The following DSCAML1 variants were observed in gnomAD, a reference collection of about 807,000 sequenced individuals.
The protein encoded by DSCAML1 is DS cell adhesion molecule like 1, also known as cell adhesion molecule DSCAML1.
Under a neutral mutation model 200.5 loss-of-function variants are expected in DSCAML1, and 38 were observed. The observed-to-expected ratio is 0.19, with a 90% confidence interval of 0.15 to 0.25. The LOEUF (loss-of-function observed/expected upper bound fraction) is 0.25, where lower values mean the gene tolerates loss of function less well. DSCAML1 is among the 10% of genes least tolerant of loss of function. The pLI is 1.00. For synonymous variants in DSCAML1, 1,215 were observed against 1,165.0 expected (o/e 1.04, Z -0.87); for missense variants, 2,223 against 2,858.8 (o/e 0.78, Z 5.07).
chr11:117,752,140 A>G (rs1336883731), intron 3 of DSCAML1, among the ~76,000 whole-genome samples: 1 of 152,158 alleles, frequency 6.6e-6, no homozygotes, highest in African/African-American at 2.4e-5. Context: ...AAAAGTCCCA[A>G]TTCCCAGGTA....
chr11:117,797,787 C>G (rs1453597808), upstream of DSCAML1, among the ~76,000 whole-genome samples: 1 of 152,214 alleles, frequency 6.6e-6, no homozygotes, highest in African/African-American at 2.4e-5. Context: ...TTCCTCAGCA[C>G]TTGGCACATT....
At chr11:117,649,579 C>A (rs1001539850) in intron 3 of DSCAML1, among the ~76,000 whole-genome samples, 53 of 152,262 alleles carry the variant, frequency 3.5e-4, no homozygotes, top group African/African-American at 1.2e-3. Context: ...TCCTTCTGGG[C>A]CCCACTGTGA....
At chr11:117,787,419 GATA>G (rs148494786) in intron 1 of DSCAML1, among the ~76,000 whole-genome samples, 12,724 of 152,200 alleles carry the variant, frequency 0.084, 604 homozygotes, top group Middle Eastern at 0.14. Flanking sequence ...CACCTCTGAT[GATA>G]ATAATAATAA....
chr11:117,437,513 G>A lies in DSCAML1; in HGVS notation c.4433-104C>T. ...TTTCCCTGGGGCAGCTGGGATGGCA[G>A]TGGCTCCAGGAGAATACATGTTTGG... On this transcript the variant is annotated intron_variant, in intron 25 of 32. Transcript: ENST00000651296. This position sits in a 1 kb window ranked among gnomAD's most constrained non-coding sequence, Gnocchi z 5.3. The A allele has an allele frequency of 7.3e-7, 1 of 1,362,456 alleles. No individual in the cohort carries two copies. The highest frequency in any genetic ancestry group is 1.0e-6 in the Non-Finnish European group (1 of 988,526). The allele number at this position is 1,362,456 out of a possible 1,614,324, so 84.4% of individuals were successfully genotyped here.
intron 3 of DSCAML1, among the ~76,000 whole-genome samples, chr11:117,750,275 G>A (rs576164440): frequency 3.9e-5 from 6 of 152,328 alleles, no homozygotes; most frequent in Admixed American, 3.3e-4. Flanking sequence ...ACTCCTGACC[G>A]AGCGGGGATA....
At chr11:117,585,662 A>G (rs1245668471) in intron 3 of DSCAML1, among the ~76,000 whole-genome samples, 1 of 152,140 alleles carries the variant, frequency 6.6e-6, no homozygotes, top group African/African-American at 2.4e-5. Context: ...GTGTGACCCA[A>G]TTGCTTGCTA....
At chr11:117,570,354 G>T (rs1173499605) in intron 3 of DSCAML1, among the ~76,000 whole-genome samples, 1 of 152,104 alleles carries the variant, frequency 6.6e-6, no homozygotes, top group Admixed American at 6.6e-5. Context: ...CTTCTCCTTA[G>T]ACAGTCACAA....
chr11:117,541,713 TG>T (rs2050272212), intron 3 of DSCAML1, among the ~76,000 whole-genome samples: 1 of 152,166 alleles, frequency 6.6e-6, no homozygotes. Flanking sequence ...CTGTAAGCCA[TG>T]GTGGTCTTAT....
At chr11:117,619,025 G>A (rs1029689011) in intron 3 of DSCAML1, among the ~76,000 whole-genome samples, 6 of 152,166 alleles carry the variant, frequency 3.9e-5, no homozygotes, top group Non-Finnish European at 7.3e-5. Flanking sequence ...CCAGCTCAGT[G>A]AGCCAATTCC....
intron 3 of DSCAML1, chr11:117,611,832 C>T (rs2051700220): frequency 6.6e-6 from 1 of 152,244 alleles, no homozygotes; most frequent in Admixed American, 6.5e-5. Flanking sequence ...GTCTATTCTT[C>T]CTTTAAGATA....
chr11:117,485,933 T>G (rs7931933), intron 11 of DSCAML1, among the ~76,000 whole-genome samples: 3,561 of 152,312 alleles, frequency 0.023, 128 homozygotes, highest in African/African-American at 0.081. Flanking sequence ...CTACACCTAC[T>G]GGTGTCAGCC....
chr11:117,445,479 T>C (rs2048159440), intron 20 of DSCAML1, among the ~76,000 whole-genome samples: 1 of 152,184 alleles, frequency 6.6e-6, no homozygotes, highest in African/African-American at 2.4e-5. Context: ...CTCCTGCCCT[T>C]CCTCCTGGGC....
upstream of DSCAML1, chr11:117,801,314 C>A (rs1591523571): frequency 6.6e-6 from 1 of 152,354 alleles, no homozygotes; most frequent in East Asian, 1.9e-4. Flanking sequence ...GGAATGATCA[C>A]CAAGATCCCT....
At chr11:117,562,600 T>C (rs1328995552) in intron 3 of DSCAML1, among the ~76,000 whole-genome samples, 1 of 152,226 alleles carries the variant, frequency 6.6e-6, no homozygotes, top group African/African-American at 2.4e-5. Flanking sequence ...ACTGGTGGGA[T>C]CTAACAGACT....
intron 11 of DSCAML1, among the ~76,000 whole-genome samples, chr11:117,492,330 C>T (rs1167675861): frequency 2.0e-5 from 3 of 152,122 alleles, no homozygotes; most frequent in Admixed American, 6.5e-5. Context: ...GAAATCTCTC[C>T]GGGACTCTCA....
chr11:117,531,150 T>C (rs185855212), intron 4 of DSCAML1, among the ~76,000 whole-genome samples: 138 of 152,298 alleles, frequency 9.1e-4, no homozygotes, highest in African/African-American at 3.0e-3. Flanking sequence ...TCAGAAAGCC[T>C]ACCTCGAGGA....
intron 3 of DSCAML1, among the ~76,000 whole-genome samples, chr11:117,687,426 A>AC (rs1555198845): frequency 1.0e-5 from 1 of 97,684 alleles, no homozygotes. Context: ...ATGCCTGGCT[A>AC]TTTTTTTTTT....
At chr11:117,634,228 G>A (rs1230472027) in intron 3 of DSCAML1, among the ~76,000 whole-genome samples, 2 of 152,124 alleles carry the variant, frequency 1.3e-5, no homozygotes, top group African/African-American at 4.8e-5. Context: ...GACGGGAGCT[G>A]TGCTTCTTGT....
intron 3 of DSCAML1, among the ~76,000 whole-genome samples, chr11:117,542,588 T>C (rs2050293397): frequency 6.6e-6 from 1 of 152,252 alleles, no homozygotes. Flanking sequence ...CACTGTACTT[T>C]GGATTTGGAG....
Sources: allele counts gnomAD v4.1 joint callset (sites outside exome capture counted in the v4.1 genomes callset), GRCh38; gene constraint gnomAD v4.1.1; non-coding constraint Gnocchi (gnomAD v3.1); transcripts MANE v1.5; gene names NCBI Gene and HGNC (gene_info 2026-07-23, HGNC 2026-07-21).